The following CPS1 variants were observed in gnomAD, a reference collection of about 807,000 sequenced individuals.
The protein encoded by CPS1 is carbamoyl-phosphate synthase [ammonia], mitochondrial.
In CPS1, 109 loss-of-function variants were observed where a neutral mutation model predicts 174.6. The ratio of observed to expected loss-of-function variants is 0.62; its 90% CI spans 0.53 to 0.73. The LOEUF (loss-of-function observed/expected upper bound fraction) is 0.73. CPS1 is among the 30% of genes least tolerant of loss of function. The pLI is 0.00. For synonymous variants in CPS1, 637 were observed against 632.0 expected, an observed-to-expected ratio of 1.01 and a Z score of -0.12; for missense variants, 1,689 against 1,821.9, an observed-to-expected ratio of 0.93 and a Z score of 1.33.
rs1697754092 is a variant in CPS1 at position 210,577,528 on chromosome 2, G to A, written c.471+18G>A. ...AAGAAAAGGTAAGAAATGTAATAGG[G>A]CATCCATCATCACCTAAGGAAGGTT... is the stretch of plus-strand genomic sequence containing the variant. On this transcript the variant is annotated intron_variant, in intron 4 of 37. Coordinates refer to ENST00000233072, the MANE Select transcript of CPS1 (RefSeq NM_001875.5). The A allele has an allele frequency of 1.3e-6, 2 of 1,575,672 alleles. No homozygotes were observed. Among genetic ancestry groups the A allele is most frequent in the Non-Finnish European group, 1.7e-6 (2 of 1,145,156 alleles).
intron 22 of CPS1, 32 bp from the exon 23 acceptor site, chr2:210,639,118 T>C: frequency 6.4e-7 from 1 of 1,557,204 alleles, no homozygotes; most frequent in Non-Finnish European, 8.8e-7. Flanking sequence ...ATAACATTCT[T>C]ATTTGTTTAT....
intron 28 of CPS1, 141 bp downstream of exon 28, chr2:210,650,579 G>A: frequency 1.3e-6 from 1 of 742,234 alleles, no homozygotes; most frequent in Non-Finnish European, 2.3e-6. Flanking sequence ...GTGTTAGAAT[G>A]AGTTTTCTTT....
intron 1 of CPS1, among the ~76,000 whole-genome samples, chr2:210,506,571 A>G (rs1042475287): frequency 1.3e-5 from 2 of 152,178 alleles, no homozygotes; most frequent in African/African-American, 4.8e-5. Flanking sequence ...AGACAATCAA[A>G]CTACTCCAAG....
intron 16 of CPS1, 194 bp from the exon 17 acceptor site, chr2:210,604,906 CAT>C: frequency 1.7e-6 from 1 of 591,998 alleles, no homozygotes. Context: ...GTAAATCAAG[CAT>C]ATTCACTGCA....
At chr2:210,594,745 GTAAC>G (rs1698432387) in intron 12 of CPS1, 139 bp downstream of exon 12, 1 of 680,812 alleles carries the variant, frequency 1.5e-6, no homozygotes, top group African/African-American at 1.8e-5. Context: ...CTGTCATTTT[GTAAC>G]TAATTATTTG....
rs374595822 is a variant in CPS1 at position 210,606,768 on chromosome 2, C to T, written c.2019C>T (p.Ser673=). 81 of 1,612,392 alleles carry T rather than the reference C, an allele frequency of 5.0e-5. No homozygotes were observed. The highest frequency in any genetic ancestry group is 6.3e-5 in the Non-Finnish European group (74 of 1,179,052). ...TTGTGGCTCCTGCCCAGACACTCTC[C>T]AATGCCGAGTTTCAGATGTTGAGAC... ...SVVVAPAQTL[S]NAEFQMLRRT... is the part of the protein sequence containing the mutation. Residue 673 remains serine (S), a synonymous_variant, in exon 18 of 38, where the codon TCC becomes TCT. Transcript: ENST00000233072.
At chr2:210,518,910 T>C (rs900581944) in intron 1 of CPS1, among the ~76,000 whole-genome samples, 2 of 152,006 alleles carry the variant, frequency 1.3e-5, no homozygotes, top group Non-Finnish European at 2.9e-5. Context: ...AACCTCAAAA[T>C]TTTCTCCTCT....
At chr2:210,675,005 T>C (rs969859706) in intron 35 of CPS1, 44 bp downstream of exon 35, 2 of 1,439,618 alleles carry the variant, frequency 1.4e-6, no homozygotes, top group Non-Finnish European at 2.0e-6. Flanking sequence ...GCATGGAATC[T>C]GTCCACAAAT....
intron 5 of CPS1, among the ~76,000 whole-genome samples, chr2:210,582,411 T>C (rs113020150): frequency 9.2e-5 from 14 of 152,274 alleles, no homozygotes; most frequent in African/African-American, 2.9e-4. Context: ...GAAGAACTAA[T>C]TGTATTTCCA....
At chr2:210,650,108 A>G (rs1700512435) in intron 27 of CPS1, among the ~76,000 whole-genome samples, 1 of 152,194 alleles carries the variant, frequency 6.6e-6, no homozygotes, top group African/African-American at 2.4e-5. Context: ...TTCTAGAGCT[A>G]CCAGGATTCC....
chr2:210,566,350 C>T (rs13399140), intron 1 of CPS1, among the ~76,000 whole-genome samples: 12,330 of 152,122 alleles, frequency 0.081, 757 homozygotes, highest in East Asian at 0.18. Context: ...TGCTTGAGAA[C>T]TCAAGGGCCT....
intron 1 of CPS1, among the ~76,000 whole-genome samples, chr2:210,483,095 T>C (rs1364541617): frequency 2.0e-5 from 3 of 152,186 alleles, no homozygotes; most frequent in Admixed American, 2.0e-4. Flanking sequence ...AATAATTCAA[T>C]TTTATACCCT....
intron 21 of CPS1, among the ~76,000 whole-genome samples, chr2:210,625,874 A>G (rs897765905): frequency 6.6e-5 from 10 of 152,118 alleles, no homozygotes; most frequent in African/African-American, 2.4e-4. Context: ...GCTATTTTTC[A>G]TAACAGTGAA....
chr2:210,639,062 G>A, intron 22 of CPS1, 88 bp from the exon 23 acceptor site: 1 of 948,014 alleles, frequency 1.1e-6, no homozygotes, highest in Admixed American at 2.0e-5. Flanking sequence ...GGAATTAAAG[G>A]AATATGTATA....
intron 1 of CPS1, among the ~76,000 whole-genome samples, chr2:210,499,471 A>G (rs1240866656): frequency 1.3e-5 from 2 of 152,106 alleles, no homozygotes; most frequent in African/African-American, 4.8e-5. Flanking sequence ...TTCTGGCTGT[A>G]GAGACCTCTA....
chr2:210,511,736 C>T (rs1322703446), intron 1 of CPS1, among the ~76,000 whole-genome samples: 1 of 152,042 alleles, frequency 6.6e-6, no homozygotes, highest in African/African-American at 2.4e-5. Flanking sequence ...GAGCTATTAC[C>T]AGATCCACCT....
At chr2:210,536,802 G>A (rs1235051294) in intron 1 of CPS1, among the ~76,000 whole-genome samples, 1 of 152,148 alleles carries the variant, frequency 6.6e-6, no homozygotes, top group African/African-American at 2.4e-5. Flanking sequence ...AGAGAGAAAT[G>A]AGAGTAAGAG....
chr2:210,574,010 A>C (rs1385443847), intron 2 of CPS1, among the ~76,000 whole-genome samples: 2 of 152,072 alleles, frequency 1.3e-5, no homozygotes, highest in Non-Finnish European at 2.9e-5. Context: ...TAACATGTAC[A>C]GCAATGAAAA....
chr2:210,479,509 A>G (rs918526491), intron 1 of CPS1, among the ~76,000 whole-genome samples: 1 of 151,956 alleles, frequency 6.6e-6, no homozygotes, highest in Non-Finnish European at 1.5e-5. Context: ...TTGTATTTTC[A>G]GTAGAGACGG....
Sources: allele counts gnomAD v4.1 joint callset (sites outside exome capture counted in the v4.1 genomes callset), GRCh38; gene constraint gnomAD v4.1.1; transcripts MANE v1.5; gene names NCBI Gene and HGNC (gene_info 2026-07-23, HGNC 2026-07-21).